Variants in PIR observed in about 807,000 individuals in gnomAD.
PIR encodes the protein pirin.
A neutral mutation model predicts 24.2 loss-of-function variants in PIR; 22 were observed. The observed-to-expected ratio is 0.91, with a 90% CI of 0.65 to 1.30. The LOEUF (loss-of-function observed/expected upper bound fraction) is 1.30. Among genes scored for constraint, PIR ranks in the 50% most tolerant of loss-of-function variants. The probability of loss-of-function intolerance (pLI) is 0.00; values close to 1 mark genes in which losing one functional copy is unlikely to be tolerated. For synonymous variants in PIR, 80 were observed against 79.6 expected (o/e 1.00, Z -0.03); for missense variants, 220 against 220.3 (o/e 1.00, Z 0.01).
At chrX:15,481,230 A>G (rs1922484932) in intron 2 of PIR, among the ~76,000 whole-genome samples, 1 of 112,574 alleles carries the variant, frequency 8.9e-6, no homozygotes. Context: ...TTAAGTGCAC[A>G]TTATATTATG....
At chrX:15,452,046 T>C (rs950955272) in intron 5 of PIR, among the ~76,000 whole-genome samples, 1 of 111,520 alleles carries the variant, frequency 9.0e-6, no homozygotes, top group Non-Finnish European at 1.9e-5. Context: ...TCAGAGTGAG[T>C]CAGTGGTGAG....
intron 5 of PIR, among the ~76,000 whole-genome samples, chrX:15,451,287 T>G (rs371393183): frequency 1.1e-4 from 12 of 110,735 alleles, no homozygotes; most frequent in African/African-American, 3.6e-4. Flanking sequence ...GACACCTGCC[T>G]GTGGACTTCC....
intron 9 of PIR, among the ~76,000 whole-genome samples, chrX:15,387,246 C>T (rs1028583667): frequency 1.9e-5 from 2 of 107,462 alleles, no homozygotes; most frequent in African/African-American, 6.8e-5. Context: ...CAGGCACGTG[C>T]CACCATGCCC....
At chrX:15,427,189 G>A (rs1406114216) in intron 5 of PIR, among the ~76,000 whole-genome samples, 1 of 110,895 alleles carries the variant, frequency 9.0e-6, no homozygotes, top group African/African-American at 3.3e-5. Context: ...GATGTCAGAA[G>A]TCACAAAATT....
intron 9 of PIR, among the ~76,000 whole-genome samples, chrX:15,389,454 C>T (rs1475276942): frequency 8.9e-6 from 1 of 112,101 alleles, no homozygotes; most frequent in Non-Finnish European, 1.9e-5. Context: ...CCTGGGAATT[C>T]ATGCAAGGCA....
At chrX:15,448,742 C>A (rs1400321467) in intron 5 of PIR, among the ~76,000 whole-genome samples, 1 of 112,027 alleles carries the variant, frequency 8.9e-6, no homozygotes, top group African/African-American at 3.2e-5. Flanking sequence ...CTATCCAAGT[C>A]TTTATACAAG....
intron 9 of PIR, among the ~76,000 whole-genome samples, chrX:15,388,049 A>T (rs1190841712): frequency 8.9e-6 from 1 of 111,979 alleles, no homozygotes; most frequent in Non-Finnish European, 1.9e-5. Flanking sequence ...ATCTCCTCAA[A>T]TCTTCAAGGA....
chrX:15,421,368 G>T (rs1925125324), intron 6 of PIR, among the ~76,000 whole-genome samples: 1 of 111,160 alleles, frequency 9.0e-6, no homozygotes, highest in African/African-American at 3.3e-5. Flanking sequence ...TTGGTTTTTT[G>T]AAAAGATAAA....
chrX:15,390,429 T>C (rs925583516), intron 8 of PIR, among the ~76,000 whole-genome samples, 178 bp from the exon 9 acceptor site: 12 of 111,697 alleles, frequency 1.1e-4, no homozygotes, highest in African/African-American at 3.9e-4. Flanking sequence ...TTACGTTGTT[T>C]AGTAGCAAGT....
intron 6 of PIR, among the ~76,000 whole-genome samples, chrX:15,420,421 T>C (rs1925092652): frequency 9.0e-6 from 1 of 111,652 alleles, no homozygotes; most frequent in South Asian, 3.8e-4. Context: ...TGGTATTCTA[T>C]ATGCTGCTAA....
intron 3 of PIR, among the ~76,000 whole-genome samples, chrX:15,465,013 T>C (rs1921486191): frequency 8.9e-6 from 1 of 111,841 alleles, no homozygotes; most frequent in African/African-American, 3.3e-5. Context: ...AAAATCTAAG[T>C]GGACATCAAG....
At chrX:15,431,961 A>G (rs976460509) in intron 5 of PIR, among the ~76,000 whole-genome samples, 5 of 111,013 alleles carry the variant, frequency 4.5e-5, no homozygotes, top group African/African-American at 1.6e-4. Flanking sequence ...TCATTTAAAA[A>G]GCAGAAATTG....
At chrX:15,392,626 G>C (rs1221427574) in intron 8 of PIR, among the ~76,000 whole-genome samples, 1 of 111,710 alleles carries the variant, frequency 9.0e-6, no homozygotes, top group Non-Finnish European at 1.9e-5. Flanking sequence ...TGGGACTGTA[G>C]GGTAGAATGG....
intron 8 of PIR, among the ~76,000 whole-genome samples, chrX:15,396,834 G>A (rs1165280866): frequency 4.6e-5 from 5 of 109,538 alleles, no homozygotes; most frequent in African/African-American, 1.3e-4. Flanking sequence ...TCCACCTCCC[G>A]GGTTCACGCC....
At chrX:15,423,180 G>A (rs1925193556) in intron 6 of PIR, among the ~76,000 whole-genome samples, 1 of 112,048 alleles carries the variant, frequency 8.9e-6, no homozygotes, top group African/African-American at 3.2e-5. Flanking sequence ...ACTACTACAA[G>A]TAAACATTGG....
chrX:15,445,162 C>T (rs886491025), intron 5 of PIR, among the ~76,000 whole-genome samples: 1 of 111,246 alleles, frequency 9.0e-6, no homozygotes, highest in Non-Finnish European at 1.9e-5. Context: ...TAATCAGAGG[C>T]AGGTGACTGA....
chrX:15,407,437 T>C, intron 7 of PIR, 69 bp downstream of exon 7: 1 of 817,932 alleles, frequency 1.2e-6, no homozygotes, highest in Non-Finnish European at 1.9e-6. Context: ...GGTGTCATCC[T>C]ACCTTTTCTC....
chrX:15,434,086 A>G (rs182843357), intron 5 of PIR, among the ~76,000 whole-genome samples: 5 of 60,419 alleles, frequency 8.3e-5, no homozygotes, highest in African/African-American at 3.3e-4. Flanking sequence ...GAGGAAGGAG[A>G]AAGGAGGAGG....
At chrX:15,427,699 C>T (rs1193996589) in intron 5 of PIR, among the ~76,000 whole-genome samples, 2 of 109,684 alleles carry the variant, frequency 1.8e-5, no homozygotes, top group African/African-American at 6.6e-5. Context: ...TACATACACA[C>T]ACACACACAC....
Sources: allele counts gnomAD v4.1 joint callset (sites outside exome capture counted in the v4.1 genomes callset), GRCh38; gene constraint gnomAD v4.1.1; transcripts MANE v1.5; gene names NCBI Gene and HGNC (gene_info 2026-07-23, HGNC 2026-07-21).